DGKB: variants seen among roughly 807,000 people sequenced by gnomAD.
DGKB encodes the protein diacylglycerol kinase beta, also known as 90 kDa diacylglycerol kinase.
A neutral mutation model predicts 114.3 loss-of-function variants in DGKB; 67 were observed. That is an observed-to-expected ratio of 0.59 (90% CI 0.48 to 0.72). DGKB has a LOEUF of 0.72. Ranked by LOEUF, DGKB falls within the 30% of genes least tolerant of loss-of-function variation. The pLI is 0.00. For synonymous variants in DGKB, 398 were observed against 323.1 expected, an observed-to-expected ratio of 1.23 and a Z score of -2.49; for missense variants, 907 against 975.2, an observed-to-expected ratio of 0.93 and a Z score of 0.93.
At chr7:14,196,930 A>G (rs1188358183) in intron 23 of DGKB, among the ~76,000 whole-genome samples, 2 of 152,264 alleles carry the variant, frequency 1.3e-5, no homozygotes, top group East Asian at 3.9e-4. Context: ...CTGCACTAAC[A>G]CTAATCTAGC....
At chr7:14,756,824 A>G (rs1467565423) in intron 3 of DGKB, among the ~76,000 whole-genome samples, 1 of 152,034 alleles carries the variant, frequency 6.6e-6, no homozygotes, top group Admixed American at 6.6e-5. Flanking sequence ...ATCCTGACAA[A>G]AGGGTCTTTT....
chr7:14,251,100 T>G (rs1379692376), intron 23 of DGKB, among the ~76,000 whole-genome samples: 2 of 152,198 alleles, frequency 1.3e-5, no homozygotes, highest in East Asian at 3.8e-4. Flanking sequence ...CTAGGTCTTT[T>G]GACTGGAAAC....
chr7:14,879,631 A>G (rs370998245), intron 1 of DGKB, among the ~76,000 whole-genome samples: 1 of 152,216 alleles, frequency 6.6e-6, no homozygotes, highest in Non-Finnish European at 1.5e-5. Context: ...GTTAGTACAC[A>G]AACTTGTAAA....
chr7:14,306,397 A>G (rs1804478190), intron 23 of DGKB, among the ~76,000 whole-genome samples: 1 of 152,168 alleles, frequency 6.6e-6, no homozygotes, highest in Admixed American at 6.6e-5. Context: ...GGAGGAGCTA[A>G]TTGATTTCAC....
chr7:14,710,643 C>T (rs756358984), intron 6 of DGKB, among the ~76,000 whole-genome samples: 1 of 152,016 alleles, frequency 6.6e-6, no homozygotes, highest in South Asian at 2.1e-4. Flanking sequence ...TATATATACA[C>T]ATTATTAGAT....
chr7:14,732,475 G>A (rs1366102508), intron 5 of DGKB, among the ~76,000 whole-genome samples: 2 of 151,886 alleles, frequency 1.3e-5, no homozygotes, highest in East Asian at 1.9e-4. Context: ...TCTGAGTCAA[G>A]GCTACTTCAG....
At chr7:14,202,866 C>T (rs1016563710) in intron 23 of DGKB, among the ~76,000 whole-genome samples, 7 of 151,594 alleles carry the variant, frequency 4.6e-5, no homozygotes, top group Non-Finnish European at 1.0e-4. Flanking sequence ...GATAAGTCAC[C>T]ATGCAAGAGG....
At chr7:14,717,713 T>G (rs1271639293) in intron 6 of DGKB, among the ~76,000 whole-genome samples, 2 of 152,130 alleles carry the variant, frequency 1.3e-5, no homozygotes, top group Non-Finnish European at 2.9e-5. Context: ...TTATCTTCAC[T>G]ATCATTCTAG....
At chr7:14,277,950 T>G (rs1177349902) in intron 23 of DGKB, among the ~76,000 whole-genome samples, 1 of 152,234 alleles carries the variant, frequency 6.6e-6, no homozygotes, top group Non-Finnish European at 1.5e-5. Flanking sequence ...TTCATCTTTT[T>G]TATAAACACC....
At chr7:14,758,920 GATAGATAGATAGATAC>G (rs1051603872) in intron 2 of DGKB, among the ~76,000 whole-genome samples, 5 of 131,760 alleles carry the variant, frequency 3.8e-5, no homozygotes, top group African/African-American at 1.6e-4. Flanking sequence ...TAGATAGATA[GATAGATAGATAGATAC>G]ATAGATAGAT....
chr7:14,467,377 G>T (rs1261253303), intron 21 of DGKB, among the ~76,000 whole-genome samples: 1 of 150,738 alleles, frequency 6.6e-6, no homozygotes, highest in Non-Finnish European at 1.5e-5. Flanking sequence ...AAACATCAAA[G>T]AATCCTATTG....
intron 23 of DGKB, among the ~76,000 whole-genome samples, chr7:14,232,050 G>A (rs899121649): frequency 2.1e-4 from 32 of 151,904 alleles, no homozygotes; most frequent in South Asian, 2.1e-4. Flanking sequence ...GGCCCATCCC[G>A]GTTTGCTAAG....
chr7:14,731,853 G>A (rs1260086497), intron 5 of DGKB, among the ~76,000 whole-genome samples: 1 of 152,212 alleles, frequency 6.6e-6, no homozygotes, highest in Admixed American at 6.5e-5. Context: ...CAATGACACA[G>A]AAGTGGTATG....
intron 23 of DGKB, among the ~76,000 whole-genome samples, chr7:14,235,759 A>G (rs1792663557): frequency 6.6e-6 from 1 of 152,022 alleles, no homozygotes. Context: ...CTCTCCTAAA[A>G]AGCTAATCTA....
chr7:14,707,090 A>G (rs1385769923), intron 6 of DGKB, among the ~76,000 whole-genome samples: 1 of 146,336 alleles, frequency 6.8e-6, no homozygotes, highest in East Asian at 2.1e-4. Flanking sequence ...AAAGAAAAAA[A>G]GAGAGAAGAA....
chr7:14,159,951 G>A (rs936684330), intron 25 of DGKB, among the ~76,000 whole-genome samples: 3 of 152,090 alleles, frequency 2.0e-5, no homozygotes, highest in Admixed American at 6.6e-5. Flanking sequence ...GGAATTACAC[G>A]CAGGAGCCAC....
intron 21 of DGKB, among the ~76,000 whole-genome samples, chr7:14,450,686 C>T (rs1363846928): frequency 6.6e-6 from 1 of 151,998 alleles, no homozygotes; most frequent in Non-Finnish European, 1.5e-5. Context: ...AAGAATGATG[C>T]CCATTTTCAT....
chr7:14,950,878 A>C lies in DGKB; in HGVS notation c.-188+23818T>G, dbSNP rs143494588. Among the ~76,000 whole-genome samples, 733 of 152,116 alleles carry C rather than the reference A, an allele frequency of 4.8e-3. 5 individuals carry two copies. The highest frequency in any genetic ancestry group is 0.017 in the African/African-American group (708 of 41,524). ...TAGCAAATCAAATCCAGTAAAACAG[A>C]AAGTTGATTATACACCATGCTCAAG... On this transcript the variant is annotated intron_variant, in intron 1 of 4. Transcript: ENST00000437998.
chr7:14,791,291 C>T (rs1199594033), intron 2 of DGKB, among the ~76,000 whole-genome samples: 2 of 152,162 alleles, frequency 1.3e-5, no homozygotes, highest in Admixed American at 6.5e-5. Context: ...TGCAAACTTT[C>T]TAAACTCAGT....
Sources: gnomAD v4.1 joint callset for allele counts (sites outside exome capture counted in the v4.1 genomes callset) on GRCh38, gnomAD v4.1.1 for gene constraint, MANE v1.5 for transcripts, NCBI Gene and HGNC (gene_info 2026-07-23, HGNC 2026-07-21) for gene names.